Variants in TFPI observed in about 807,000 individuals in gnomAD.
TFPI encodes anti-convertin.
TFPI carries 15 observed loss-of-function variants against 34.6 expected under a neutral mutation model. The observed-to-expected ratio is 0.43, with a 90% CI of 0.29 to 0.67. The LOEUF is 0.67. TFPI is among the 30% of genes least tolerant of loss of function. The pLI, the probability that TFPI is intolerant of heterozygous loss-of-function variation, is 0.15. For synonymous variants in TFPI, 105 were observed against 120.1 expected (o/e 0.87, Z 0.82); for missense variants, 301 against 364.0 (o/e 0.83, Z 1.41).
chr2:187,504,568 A>G (rs79505820), intron 1 of TFPI, among the ~76,000 whole-genome samples: 1 of 93,164 alleles, frequency 1.1e-5, no homozygotes, highest in Non-Finnish European at 2.8e-5. Flanking sequence ...CCAAAAAGGA[A>G]AAAAAAAAAA....
rs527482448 is a variant in TFPI, at chr2:187,523,306, TTTAA to T, written c.-2-19540_-2-19537del. On this transcript the variant is annotated intron_variant, in intron 1 of 7. Coordinates refer to ENST00000233156, the MANE Select transcript of TFPI (RefSeq NM_006287.6). Reference sequence around the variant, plus strand: ...CTCAACTATCACTATCCACCAACTCTTTAATTAATTGTTCAATTAAAATATACAT... The same window carrying T: ...CTCAACTATCACTATCCACCAACTCTTTAATTGTTCAATTAAAATATACAT... 3.9e-4 allele frequency among the ~76,000 whole-genome samples: 59 copies of T among 152,282 alleles called. No homozygotes were observed. In the South Asian group the frequency reaches 8.1e-3, roughly 21 times the overall value.
intron 6 of TFPI, among the ~76,000 whole-genome samples, chr2:187,480,087 C>T (rs915239804): frequency 1.3e-5 from 2 of 152,000 alleles, no homozygotes; most frequent in Admixed American, 6.6e-5. Flanking sequence ...TCAAACTCTT[C>T]GAGTTTCCAT....
At chr2:187,518,902 C>A (rs1453227961) in intron 1 of TFPI, 1 of 152,004 alleles carries the variant, frequency 6.6e-6, no homozygotes, top group Non-Finnish European at 1.5e-5. Context: ...CAATCTTCTA[C>A]CTCTGATATC....
At chr2:187,504,253 G>A (rs868251313) in intron 1 of TFPI, among the ~76,000 whole-genome samples, 3 of 151,898 alleles carry the variant, frequency 2.0e-5, no homozygotes, top group Middle Eastern at 3.4e-3. Context: ...CTTTTAAAAA[G>A]GAAACACATT....
In TFPI at chr2:187,465,685, C is replaced by A. The variant is rs547697304; in HGVS notation, c.*1251G>T. On this transcript the variant is annotated 3_prime_UTR_variant, in exon 8 of 8. Transcript: ENST00000233156. ...ATCCTGAAGAACAGGCAGAATTATACTATCATTGTTAGCGAGAAGTCATGA... is the reference window on the plus strand; with the variant it reads ...ATCCTGAAGAACAGGCAGAATTATAATATCATTGTTAGCGAGAAGTCATGA... 1 of 151,416 alleles carries A rather than the reference C, an allele frequency of 6.6e-6. No individual in the cohort carries two copies. Among genetic ancestry groups the A allele is most frequent in the East Asian group, 2.0e-4 (1 of 5,110 alleles). The allele number at this position is 151,416 out of a possible 1,614,324, so 9.4% of individuals were successfully genotyped here.
chr2:187,500,834 A>C (rs1294306340), intron 2 of TFPI, among the ~76,000 whole-genome samples: 1 of 152,190 alleles, frequency 6.6e-6, no homozygotes, highest in Non-Finnish European at 1.5e-5. Context: ...AAAGGGATGG[A>C]AATCTGCCTC....
intron 1 of TFPI, among the ~76,000 whole-genome samples, chr2:187,543,330 A>G (rs888884991): frequency 9.9e-5 from 15 of 152,236 alleles, no homozygotes; most frequent in Admixed American, 9.8e-4. Flanking sequence ...AATATACACT[A>G]AGTTAAACTG....
intron 1 of TFPI, among the ~76,000 whole-genome samples, chr2:187,543,213 C>T (rs1296824894): frequency 3.9e-5 from 6 of 151,988 alleles, no homozygotes; most frequent in Non-Finnish European, 7.4e-5. Flanking sequence ...GCTATGTGCA[C>T]GTTCATATTT....
chr2:187,509,162 G>A (rs1429836444), intron 1 of TFPI, among the ~76,000 whole-genome samples: 2 of 152,182 alleles, frequency 1.3e-5, no homozygotes, highest in African/African-American at 4.8e-5. Context: ...GATCGTGGTG[G>A]ATAAGCTTTT....
At chr2:187,525,259 A>G (rs181460681) in intron 1 of TFPI, among the ~76,000 whole-genome samples, 47 of 152,240 alleles carry the variant, frequency 3.1e-4, no homozygotes, top group African/African-American at 1.1e-3. Context: ...AAACAGAGTA[A>G]TATTTGCACT....
chr2:187,544,886 G>A (rs571842369), intron 1 of TFPI, among the ~76,000 whole-genome samples: 1 of 152,224 alleles, frequency 6.6e-6, no homozygotes, highest in East Asian at 1.9e-4. Flanking sequence ...AGGCCAAGGC[G>A]GGCGGATCAC....
At chr2:187,517,012 A>G (rs139472145) in intron 1 of TFPI, 2,195 of 152,294 alleles carry the variant, frequency 0.014, 18 homozygotes, top group Non-Finnish European at 0.022. Flanking sequence ...TTCCAGGCTG[A>G]ATAAAGCTCC....
At chr2:187,550,265 G>C (rs1446975568) in intron 1 of TFPI, among the ~76,000 whole-genome samples, 1 of 152,108 alleles carries the variant, frequency 6.6e-6, no homozygotes, top group African/African-American at 2.4e-5. Context: ...AAAAGGGTTA[G>C]AGGGGCCCAC....
chr2:187,512,482 G>A (rs971837066), intron 1 of TFPI, among the ~76,000 whole-genome samples: 1 of 151,034 alleles, frequency 6.6e-6, no homozygotes, highest in African/African-American at 2.4e-5. Flanking sequence ...ACTCCCTTCA[G>A]GACAGGATGA....
At chr2:187,471,425 G>T (rs531666011) in intron 6 of TFPI, among the ~76,000 whole-genome samples, 1 of 152,136 alleles carries the variant, frequency 6.6e-6, no homozygotes, top group Admixed American at 6.6e-5. Context: ...TCCAGAATTT[G>T]CTATCTACAA....
chr2:187,546,846 G>T (rs1031846998), intron 1 of TFPI: 2 of 152,112 alleles, frequency 1.3e-5, no homozygotes, highest in African/African-American at 4.8e-5. Flanking sequence ...CTTGGTAAAT[G>T]AATTAATTTG....
chr2:187,487,029 A>G (rs1693321080), intron 4 of TFPI, among the ~76,000 whole-genome samples: 1 of 151,642 alleles, frequency 6.6e-6, no homozygotes, highest in South Asian at 2.1e-4. Context: ...TAACTTTCAT[A>G]TATAATATGA....
intron 1 of TFPI, among the ~76,000 whole-genome samples, chr2:187,531,827 A>C (rs1290131827): frequency 2.0e-5 from 3 of 152,122 alleles, no homozygotes; most frequent in African/African-American, 7.2e-5. Flanking sequence ...AGTTAAATAA[A>C]ATTTTTCTAT....
chr2:187,507,376 C>T (rs999316746), intron 1 of TFPI, among the ~76,000 whole-genome samples: 10 of 151,950 alleles, frequency 6.6e-5, no homozygotes, highest in Non-Finnish European at 8.8e-5. Flanking sequence ...CGTGTGAAAG[C>T]GTCTTTATGT....
Sources: gnomAD v4.1 joint callset for allele counts (sites outside exome capture counted in the v4.1 genomes callset) on GRCh38, gnomAD v4.1.1 for gene constraint, MANE v1.5 for transcripts, NCBI Gene and HGNC (gene_info 2026-07-23, HGNC 2026-07-21) for gene names.